The following GRM3 variants were observed in gnomAD, a reference collection of about 807,000 sequenced individuals.
GRM3 encodes metabotropic glutamate receptor 3.
GRM3 carries 26 observed loss-of-function variants against 70.5 expected under a neutral mutation model. The observed-to-expected ratio is 0.37, with a 90% CI of 0.27 to 0.51. The LOEUF is 0.51. Among genes scored for constraint, GRM3 ranks in the 20% least tolerant of loss-of-function variants. The probability of loss-of-function intolerance (pLI) is 0.93; values close to 1 mark genes in which losing one functional copy is unlikely to be tolerated. For synonymous variants in GRM3, 443 were observed against 434.9 expected (o/e 1.02, Z -0.23); for missense variants, 859 against 1,123.8 (o/e 0.76, Z 3.37).
In GRM3 at chr7:86,666,026, A is replaced by G. The variant is rs540050930; in HGVS notation, c.-141+21154A>G. On this transcript the variant is annotated intron_variant, in intron 1 of 5. Coordinates refer to ENST00000361669, the MANE Select transcript of GRM3 (RefSeq NM_000840.3). ...TTTTTATCTAAATTATATTGTAATCATAACTTTCTGAGAGTCATGAAGTTA... is the reference window on the plus strand; with the variant it reads ...TTTTTATCTAAATTATATTGTAATCGTAACTTTCTGAGAGTCATGAAGTTA... Among the ~76,000 whole-genome samples, 41 of 152,196 alleles carry G rather than the reference A, an allele frequency of 2.7e-4. 1 individual carries two copies. In the South Asian group the frequency reaches 5.4e-3, roughly 20 times the overall value.
intron 3 of GRM3, among the ~76,000 whole-genome samples, chr7:86,804,187 C>G (rs776885454): frequency 6.6e-6 from 1 of 152,120 alleles, no homozygotes; most frequent in Non-Finnish European, 1.5e-5. Context: ...CAAAACCAGT[C>G]TCCAGTTATG....
chr7:86,831,512 C>T (rs1798351204), intron 3 of GRM3, among the ~76,000 whole-genome samples: 1 of 152,096 alleles, frequency 6.6e-6, no homozygotes, highest in Non-Finnish European at 1.5e-5. Flanking sequence ...TATGGACTTT[C>T]AGCTCAAATA....
At chr7:86,815,095 GT>G (rs1392061072) in intron 3 of GRM3, among the ~76,000 whole-genome samples, 3 of 151,402 alleles carry the variant, frequency 2.0e-5, no homozygotes, top group Non-Finnish European at 4.4e-5. Context: ...AGCATCATAT[GT>G]CACCCTGAAC....
At chr7:86,731,175 G>A (rs1002263142) in intron 1 of GRM3, among the ~76,000 whole-genome samples, 6 of 152,098 alleles carry the variant, frequency 3.9e-5, no homozygotes, top group African/African-American at 1.4e-4. Context: ...GGATTCTTTT[G>A]ATTGAATATT....
chr7:86,782,713 A>G (rs1797106477), intron 2 of GRM3, among the ~76,000 whole-genome samples: 1 of 152,100 alleles, frequency 6.6e-6, no homozygotes, highest in African/African-American at 2.4e-5. Context: ...TAACACCAAA[A>G]TCCCCCAAAT....
rs187516901 is a variant in GRM3 at position 86,860,485 on chromosome 7, G to C, written c.2567-3797G>C. ...ATAAAAGAGAAGCAGAAAAATATAA[G>C]TTAGAGTTCCCTTCGACACATTAAA... On this transcript the variant is annotated intron_variant, in intron 5 of 5. Coordinates refer to ENST00000361669, the MANE Select transcript of GRM3 (RefSeq NM_000840.3). 7.9e-5 allele frequency among the ~76,000 whole-genome samples: 12 copies of C among 152,242 alleles called. No homozygotes were observed. In the East Asian group the frequency reaches 2.3e-3, roughly 29 times the overall value.
chr7:86,645,685 A>T (rs529476337), intron 1 of GRM3, among the ~76,000 whole-genome samples: 2 of 152,128 alleles, frequency 1.3e-5, no homozygotes, highest in Non-Finnish European at 2.9e-5. Context: ...TATATTAAGG[A>T]AGGATTCTCC....
intron 1 of GRM3, among the ~76,000 whole-genome samples, chr7:86,645,823 T>A (rs1793447643): frequency 6.6e-6 from 1 of 151,980 alleles, no homozygotes; most frequent in Non-Finnish European, 1.5e-5. Context: ...AATAGATATG[T>A]TTGGGGTCTA....
chr7:86,748,364 G>A (rs1196600712), intron 1 of GRM3, among the ~76,000 whole-genome samples: 2 of 151,972 alleles, frequency 1.3e-5, no homozygotes, highest in Non-Finnish European at 2.9e-5. Flanking sequence ...TCATTTGGAG[G>A]CAAGTAACAA....
intron 1 of GRM3, among the ~76,000 whole-genome samples, chr7:86,651,022 G>A (rs1035337366): frequency 2.0e-5 from 3 of 152,178 alleles, no homozygotes; most frequent in African/African-American, 7.2e-5. Flanking sequence ...AGGGATCAGG[G>A]ATTATGAATT....
intron 1 of GRM3, among the ~76,000 whole-genome samples, chr7:86,686,544 T>C (rs1406073995): frequency 6.6e-6 from 1 of 152,230 alleles, no homozygotes; most frequent in Non-Finnish European, 1.5e-5. Flanking sequence ...TGGTAAAAAC[T>C]TCAAGCTTTG....
intron 4 of GRM3, among the ~76,000 whole-genome samples, chr7:86,841,782 A>C: frequency 6.6e-6 from 1 of 152,226 alleles, no homozygotes. Context: ...GACACACAAA[A>C]AATGACTTTC....
intron 1 of GRM3, among the ~76,000 whole-genome samples, chr7:86,667,938 A>G (rs1334269076): frequency 6.6e-6 from 1 of 152,106 alleles, no homozygotes; most frequent in Non-Finnish European, 1.5e-5. Flanking sequence ...AGGGAGCCAA[A>G]CTGTTGACTT....
At chr7:86,678,803 G>A (rs1794370058) in intron 1 of GRM3, among the ~76,000 whole-genome samples, 1 of 151,952 alleles carries the variant, frequency 6.6e-6, no homozygotes, top group Non-Finnish European at 1.5e-5. Flanking sequence ...AGGTAATACA[G>A]AGCTCTTGAG....
intron 1 of GRM3, among the ~76,000 whole-genome samples, chr7:86,747,781 A>G (rs1711811214): frequency 6.6e-6 from 1 of 152,156 alleles, no homozygotes; most frequent in Non-Finnish European, 1.5e-5. Flanking sequence ...CTTCAAGAAC[A>G]TAACACAGTC....
At chr7:86,822,708 A>G (rs1341222201) in intron 3 of GRM3, among the ~76,000 whole-genome samples, 1 of 152,216 alleles carries the variant, frequency 6.6e-6, no homozygotes, top group Non-Finnish European at 1.5e-5. Flanking sequence ...ATGTAGTTCC[A>G]TGATACACCA....
chr7:86,815,003 T>C (rs1163946105), intron 3 of GRM3, among the ~76,000 whole-genome samples: 1 of 151,744 alleles, frequency 6.6e-6, no homozygotes, highest in African/African-American at 2.4e-5. Context: ...TTCTAGACTC[T>C]TTTAACGGTA....
chr7:86,790,249 G>A (rs1797372192), intron 3 of GRM3, among the ~76,000 whole-genome samples: 1 of 148,736 alleles, frequency 6.7e-6, no homozygotes, highest in Non-Finnish European at 1.5e-5. Flanking sequence ...TAAGATAAAT[G>A]CCCCTTCTTA....
chr7:86,668,272 T>TAA (rs1248766465), intron 1 of GRM3, among the ~76,000 whole-genome samples: 2 of 151,624 alleles, frequency 1.3e-5, no homozygotes, highest in African/African-American at 4.9e-5. Flanking sequence ...TGTCAAAATT[T>TAA]TTTTTTTTTG....
Sources: allele counts gnomAD v4.1 joint callset (sites outside exome capture counted in the v4.1 genomes callset), GRCh38; gene constraint gnomAD v4.1.1; transcripts MANE v1.5; gene names NCBI Gene and HGNC (gene_info 2026-07-23, HGNC 2026-07-21).